The following RALYL variants were observed in gnomAD, a reference collection of about 807,000 sequenced individuals.
The protein encoded by RALYL is RNA-binding Raly-like protein.
In RALYL, 29 loss-of-function variants were observed where a neutral mutation model predicts 35.1. The observed-to-expected ratio is 0.83, with a 90% CI of 0.61 to 1.13. The LOEUF is 1.13. Ranked by LOEUF, RALYL falls within the 50% of genes most tolerant of loss-of-function variation. The probability of loss-of-function intolerance (pLI) is 0.00; values close to 1 mark genes in which losing one functional copy is unlikely to be tolerated. For synonymous variants in RALYL, 120 were observed against 127.6 expected, an observed-to-expected ratio of 0.94 and a Z score of 0.40; for missense variants, 359 against 360.4, an observed-to-expected ratio of 1.00 and a Z score of 0.03.
chr8:84,184,912 C>A, intron 1 of RALYL: 1 of 1,525,268 alleles, frequency 6.6e-7, no homozygotes, highest in South Asian at 1.1e-5. Context: ...TGGCTCCAGG[C>A]CACGCGAGCC....
chr8:84,206,870 T>C (rs552442571), intron 1 of RALYL, among the ~76,000 whole-genome samples: 3 of 152,104 alleles, frequency 2.0e-5, no homozygotes, highest in Non-Finnish European at 4.4e-5. Flanking sequence ...CATCCTTGAA[T>C]AGACATTTCT....
At chr8:84,770,144 C>T (rs368512335) in intron 2 of RALYL, among the ~76,000 whole-genome samples, 2 of 152,068 alleles carry the variant, frequency 1.3e-5, no homozygotes, top group Non-Finnish European at 2.9e-5. Context: ...ATGCACCCAC[C>T]ACCCTAGCAG....
At chr8:84,559,373 A>C (rs921628595) in intron 2 of RALYL, among the ~76,000 whole-genome samples, 14 of 152,078 alleles carry the variant, frequency 9.2e-5, no homozygotes, top group Admixed American at 7.9e-4. Flanking sequence ...TCTCTTATTC[A>C]ACCACAAGTA....
Position 84,506,047 on chromosome 8 carries a change from T to C in RALYL, c.-23-23252T>C, listed in dbSNP as rs1258547135. Among the ~76,000 whole-genome samples the C allele has an allele frequency of 7.7e-4, 117 of 152,068 alleles. 1 individual carries two copies. The highest frequency in any genetic ancestry group is 1.5e-5 in the Non-Finnish European group (1 of 67,982). On this transcript the variant is annotated intron_variant, in intron 1 of 8. Coordinates refer to ENST00000521268, the MANE Select transcript of RALYL (RefSeq NM_173848.7). Reference sequence around the variant, plus strand: ...GTAGGATTGACAAACCTAACACCGATTAAATTGATCACGACATTAGAATAC... The same window carrying C: ...GTAGGATTGACAAACCTAACACCGACTAAATTGATCACGACATTAGAATAC...
intron 1 of RALYL, among the ~76,000 whole-genome samples, chr8:84,523,569 G>C (rs1153027): frequency 2.0e-5 from 3 of 151,448 alleles, no homozygotes; most frequent in Middle Eastern, 3.4e-3. Context: ...CATTGTGCAG[G>C]TTAGTTACAT....
At chr8:84,726,045 C>A (rs1033072806) in intron 2 of RALYL, among the ~76,000 whole-genome samples, 1 of 150,924 alleles carries the variant, frequency 6.6e-6, no homozygotes, top group Admixed American at 6.6e-5. Flanking sequence ...CTAAGTATTT[C>A]TTTGTTATAA....
At chr8:84,453,994 T>TATAA (rs773597430) in intron 1 of RALYL, among the ~76,000 whole-genome samples, 26 of 152,164 alleles carry the variant, frequency 1.7e-4, no homozygotes, top group Non-Finnish European at 3.1e-4. Flanking sequence ...ATCATTAAGG[T>TATAA]ATAAAGTCAT....
chr8:84,268,560 T>TCAC (rs1833737905), intron 1 of RALYL, among the ~76,000 whole-genome samples: 1 of 152,208 alleles, frequency 6.6e-6, no homozygotes, highest in Non-Finnish European at 1.5e-5. Flanking sequence ...AATTTCTGTT[T>TCAC]CACCAAAACA....
intron 2 of RALYL, among the ~76,000 whole-genome samples, chr8:84,730,435 A>G (rs2132827993): frequency 6.6e-6 from 1 of 152,282 alleles, no homozygotes; most frequent in Admixed American, 6.5e-5. Context: ...ATCATACTGA[A>G]TGGGCAAAAA....
chr8:84,298,084 G>T (rs1201701384), intron 1 of RALYL, among the ~76,000 whole-genome samples: 1 of 151,918 alleles, frequency 6.6e-6, no homozygotes, highest in Non-Finnish European at 1.5e-5. Context: ...ATTGCTTTTG[G>T]CATCTTCATC....
intron 2 of RALYL, among the ~76,000 whole-genome samples, chr8:84,543,868 A>G (rs2060182680): frequency 6.6e-6 from 1 of 152,128 alleles, no homozygotes; most frequent in Non-Finnish European, 1.5e-5. Context: ...TCTGGGTGCT[A>G]AGAAAGCTCA....
chr8:84,418,718 T>A (rs2045049612), intron 1 of RALYL, among the ~76,000 whole-genome samples: 1 of 152,124 alleles, frequency 6.6e-6, no homozygotes. Context: ...TCATTAAAAT[T>A]TATATTCACT....
chr8:84,799,770 C>T (rs1042722777), intron 3 of RALYL, among the ~76,000 whole-genome samples: 31 of 152,144 alleles, frequency 2.0e-4, no homozygotes, highest in African/African-American at 7.5e-4. Flanking sequence ...TCCTGGCTAA[C>T]ACGGTGAAAC....
At chr8:84,299,851 T>G (rs1470667623) in intron 1 of RALYL, among the ~76,000 whole-genome samples, 2 of 151,944 alleles carry the variant, frequency 1.3e-5, no homozygotes, top group Non-Finnish European at 2.9e-5. Context: ...TCTTCTCTCT[T>G]TTTCTTCTTT....
chr8:84,610,862 G>C (rs1426658900), intron 2 of RALYL, among the ~76,000 whole-genome samples: 1 of 152,050 alleles, frequency 6.6e-6, no homozygotes, highest in African/African-American at 2.4e-5. Flanking sequence ...ACGTCTCTCC[G>C]TCAATGTACA....
chr8:84,188,367 A>G (rs1466417297), intron 1 of RALYL, among the ~76,000 whole-genome samples: 1 of 152,110 alleles, frequency 6.6e-6, no homozygotes, highest in Non-Finnish European at 1.5e-5. Flanking sequence ...ACTTCCAGAA[A>G]GTAAATAATA....
At chr8:84,737,757 G>A (rs1205873907) in intron 2 of RALYL, among the ~76,000 whole-genome samples, 1 of 151,806 alleles carries the variant, frequency 6.6e-6, no homozygotes, top group African/African-American at 2.4e-5. Context: ...CCTTATGATG[G>A]GATTTATGCT....
chr8:84,549,111 A>G (rs1256448311), intron 2 of RALYL, among the ~76,000 whole-genome samples: 1 of 152,134 alleles, frequency 6.6e-6, no homozygotes, highest in Non-Finnish European at 1.5e-5. Context: ...TCTTTCTCCC[A>G]CACAGATACA....
intron 2 of RALYL, among the ~76,000 whole-genome samples, chr8:84,674,473 C>T (rs2131866504): frequency 6.6e-6 from 1 of 152,182 alleles, no homozygotes; most frequent in Non-Finnish European, 1.5e-5. Flanking sequence ...GGAATGCTTC[C>T]AGCTTTTGCC....
Sources: allele counts gnomAD v4.1 joint callset (sites outside exome capture counted in the v4.1 genomes callset), GRCh38; gene constraint gnomAD v4.1.1; transcripts MANE v1.5; gene names NCBI Gene and HGNC (gene_info 2026-07-23, HGNC 2026-07-21).